The following SYT2 variants were observed in gnomAD, a reference collection of about 807,000 sequenced individuals.
SYT2 encodes synaptotagmin 2, also known as synaptotagmin-2.
In SYT2, 15 loss-of-function variants were observed where a neutral mutation model predicts 39.9. The ratio of observed to expected loss-of-function variants is 0.38; its 90% CI spans 0.25 to 0.58. The LOEUF (loss-of-function observed/expected upper bound fraction) is 0.58, where lower values mean the gene tolerates loss of function less well. Ranked by LOEUF, SYT2 falls within the 20% of genes least tolerant of loss-of-function variation. The pLI is 0.70. For synonymous variants in SYT2, 181 were observed against 204.5 expected (o/e 0.89, Z 0.98); for missense variants, 389 against 530.3 (o/e 0.73, Z 2.62).
Position 202,601,999 on chromosome 1 carries a change from C to T in SYT2, c.692G>A (p.Arg231His), listed in dbSNP as rs767599163. 1.2e-5 allele frequency: 20 copies of T among 1,614,024 alleles called. No individual in the cohort carries two copies. Among genetic ancestry groups the T allele is most frequent in the South Asian group, 3.3e-5 (3 of 91,078 alleles). ...TCCAATGATGTCATGTTTGGAGAAG[C>T]GGTCAAAGTCATAGATGGCCATCAC... ...TLVMAIYDFD[R>H]FSKHDIIGEV... The change falls in exon 6 of 9, where the codon CGC becomes CAC. Residue 231 changes from arginine (R) to histidine (H), a missense_variant. Arg to His is a conservative substitution (Grantham distance 29). This residue lies in a region of SYT2 where 280 missense variants were observed against 335.6 expected (regional missense o/e 0.83). Transcript: ENST00000367268. The surrounding 1 kb of genome is among the most constrained non-coding windows in gnomAD (Gnocchi z 4.0).
At chr1:202,617,313 C>T (rs1691072426) in intron 1 of SYT2, among the ~76,000 whole-genome samples, 1 of 152,080 alleles carries the variant, frequency 6.6e-6, no homozygotes, top group African/African-American at 2.4e-5. Context: ...ATCACAGGGT[C>T]AGATCTAGTG....
In SYT2 at chr1:202,594,171, C is replaced by CA. The variant is rs1222418277; in HGVS notation, c.*2585dup. On this transcript the variant is annotated 3_prime_UTR_variant, in exon 9 of 9. Coordinates refer to ENST00000367268, the MANE Select transcript of SYT2 (RefSeq NM_177402.5). The stretch of plus-strand genomic sequence containing the variant: ...CTGGCTCCACACTGGTGTCAACGTT[C>CA]AAAATCACTCAGCAACCTGTCCCCA... The CA allele has an allele frequency of 6.6e-6, 1 of 152,352 alleles. No individual in the cohort carries two copies. Among genetic ancestry groups the CA allele is most frequent in the Non-Finnish European group, 1.5e-5 (1 of 68,118 alleles). 9.4% of individuals were successfully genotyped at this position (152,352 alleles called of 1,614,324 possible).
In SYT2 at chr1:202,678,327, A is replaced by G. The variant is rs186714673; in HGVS notation, c.-18+31931T>C. Among the ~76,000 whole-genome samples the G allele has an allele frequency of 6.8e-4, 102 of 150,068 alleles. 1 individual carries two copies. The highest frequency in any genetic ancestry group is 9.3e-4 in the Admixed American group (14 of 14,994). On this transcript the variant is annotated intron_variant, in intron 1 of 8. Coordinates refer to ENST00000367268, the MANE Select transcript of SYT2 (RefSeq NM_177402.5). ...CTAATAAAATAAAATGGATGCTTGT[A>G]CTTTTCTGCTCTGTTAACCTTTCTA...
intron 1 of SYT2, among the ~76,000 whole-genome samples, chr1:202,704,517 T>C (rs1654200198): frequency 6.6e-6 from 1 of 152,184 alleles, no homozygotes; most frequent in African/African-American, 2.4e-5. Context: ...ACGCAAGGGT[T>C]GACTTTTGGG....
At chr1:202,660,091 G>A (rs922655015) in intron 1 of SYT2, among the ~76,000 whole-genome samples, 1 of 152,176 alleles carries the variant, frequency 6.6e-6, no homozygotes, top group Non-Finnish European at 1.5e-5. Flanking sequence ...TGCCAGTTGA[G>A]GTGACAGCTC....
At chr1:202,613,330 C>T (rs1471347180) in intron 1 of SYT2, among the ~76,000 whole-genome samples, 2 of 152,074 alleles carry the variant, frequency 1.3e-5, no homozygotes, top group Non-Finnish European at 2.9e-5. Flanking sequence ...ATCCGCCTGC[C>T]TCCACCTCCC....
At chr1:202,689,215 C>T (rs1025176482) in intron 1 of SYT2, among the ~76,000 whole-genome samples, 1 of 152,200 alleles carries the variant, frequency 6.6e-6, no homozygotes, top group Non-Finnish European at 1.5e-5. Context: ...GAGATTAGCA[C>T]ATACCCCTGA....
chr1:202,666,064 A>C (rs899798469), intron 1 of SYT2, among the ~76,000 whole-genome samples: 5 of 151,802 alleles, frequency 3.3e-5, no homozygotes, highest in African/African-American at 1.2e-4. Context: ...GAGGCAGGAG[A>C]ATGGCGTGAA....
intron 1 of SYT2, among the ~76,000 whole-genome samples, chr1:202,657,842 G>A (rs1183773116): frequency 2.0e-5 from 3 of 150,118 alleles, no homozygotes; most frequent in Admixed American, 6.6e-5. Context: ...GGAGAGCTCA[G>A]GGTATGTTTG....
intron 1 of SYT2, among the ~76,000 whole-genome samples, chr1:202,668,472 A>G (rs563166312): frequency 1.3e-5 from 2 of 152,348 alleles, no homozygotes; most frequent in South Asian, 4.1e-4. Context: ...AGCAATGTTT[A>G]TAGGTAGAAT....
chr1:202,603,643 T>C (rs1050790930), intron 3 of SYT2, among the ~76,000 whole-genome samples: 1 of 151,948 alleles, frequency 6.6e-6, no homozygotes, highest in Non-Finnish European at 1.5e-5. Context: ...CCACAGCCAC[T>C]CCTCAAGACC....
In SYT2 at chr1:202,633,466, C is replaced by T. The variant is rs547366887; in HGVS notation, c.-17-27677G>A. Among the ~76,000 whole-genome samples the T allele has an allele frequency of 4.6e-4, 70 of 152,170 alleles. 1 individual carries two copies. Among genetic ancestry groups the T allele is most frequent in the Middle Eastern group, 3.4e-3 (1 of 294 alleles). On this transcript the variant is annotated intron_variant, in intron 1 of 8. Transcript: ENST00000367268. ...AAGGGCTCCATAATGGAAGGGAGGC[C>T]TAGGGTGGGTCCTCCCCTCTCCCCA...
At chr1:202,666,146 C>A (rs552688795) in intron 1 of SYT2, among the ~76,000 whole-genome samples, 1 of 120,876 alleles carries the variant, frequency 8.3e-6, no homozygotes, top group East Asian at 2.8e-4. Flanking sequence ...GAGCGAGACT[C>A]CGTCTCAAAA....
rs585234 is a variant in SYT2, at chr1:202,604,166, C to G, written c.345+289G>C. 1 allele frequency: 318,467 copies of G among 318,518 alleles called. 159,208 individuals are homozygous for G. Among genetic ancestry groups the G allele is most frequent in the Middle Eastern group, 1 (1,128 of 1,128 alleles). The allele number at this position is 318,518 out of a possible 1,614,324, so 19.7% of individuals were successfully genotyped here. A position where few individuals can be genotyped will look rare whatever the true frequency, so the allele number is the denominator to read the frequency against. On this transcript the variant is annotated intron_variant, in intron 3 of 8. Transcript: ENST00000367268. ...CTGATGGTGTCTTGCTGGTGTGGGG[C>G]TGTCTCTTTCCAACATTTTGTCCCA...
intron 1 of SYT2, among the ~76,000 whole-genome samples, chr1:202,652,551 C>T (rs1044819310): frequency 1.3e-5 from 2 of 152,218 alleles, no homozygotes; most frequent in Non-Finnish European, 2.9e-5. Context: ...ATGGCTGGAA[C>T]CTGGGGACCA....
chr1:202,636,499 T>C, intron 1 of SYT2: 2 of 717,278 alleles, frequency 2.8e-6, no homozygotes, highest in Non-Finnish European at 3.4e-6. Context: ...GGCATCCCTC[T>C]CCACATTTTT....
At chr1:202,672,154 A>G (rs2149109516) in intron 1 of SYT2, among the ~76,000 whole-genome samples, 1 of 152,360 alleles carries the variant, frequency 6.6e-6, no homozygotes, top group South Asian at 2.1e-4. Flanking sequence ...AAACTGTAAA[A>G]CGTGCCACAT....
chr1:202,701,001 G>C (rs1042012788), intron 1 of SYT2, among the ~76,000 whole-genome samples: 1 of 152,128 alleles, frequency 6.6e-6, no homozygotes, highest in Admixed American at 6.6e-5. Context: ...TTATCATTTC[G>C]AAGATATTGG....
chr1:202,708,952 G>A (rs1243220769), intron 1 of SYT2, among the ~76,000 whole-genome samples: 1 of 152,224 alleles, frequency 6.6e-6, no homozygotes, highest in Non-Finnish European at 1.5e-5. Flanking sequence ...GAAGTGCCAG[G>A]TTATGGGGAT....
Sources: gnomAD v4.1 joint callset for allele counts (sites outside exome capture counted in the v4.1 genomes callset) on GRCh38, gnomAD v4.1.1 for gene constraint, gnomAD v4.1.1 regional missense constraint, Gnocchi (gnomAD v3.1) non-coding constraint, MANE v1.5 for transcripts, NCBI Gene and HGNC (gene_info 2026-07-23, HGNC 2026-07-21) for gene names.